Variants in RSRC1 observed in about 807,000 individuals in gnomAD.
RSRC1 encodes serine/Arginine-related protein 53.
Under a neutral mutation model 49.1 loss-of-function variants are expected in RSRC1, and 39 were observed. That is an observed-to-expected ratio of 0.79 (90% CI 0.61 to 1.04). The LOEUF is 1.04. Among genes scored for constraint, RSRC1 ranks in the 50% least tolerant of loss-of-function variants. The pLI, the probability that RSRC1 is intolerant of heterozygous loss-of-function variation, is 0.00. For synonymous variants in RSRC1, 143 were observed against 130.8 expected (o/e 1.09, Z -0.63); for missense variants, 388 against 402.4 (o/e 0.96, Z 0.31).
intron 7 of RSRC1, among the ~76,000 whole-genome samples, chr3:158,529,073 GAT>G (rs140040257): frequency 8.7e-5 from 13 of 149,982 alleles, no homozygotes; most frequent in South Asian, 2.1e-4. Context: ...TTCTAGATGT[GAT>G]ATATATATAT....
In RSRC1 at chr3:158,422,241, A is replaced by G. The variant is rs1735108836; in HGVS notation, c.584-38694A>G. On this transcript the variant is annotated intron_variant, in intron 6 of 9. Coordinates refer to ENST00000611884, the MANE Select transcript of RSRC1 (RefSeq NM_001271838.2). ...CCCTCCCCCCTCCCCCCACCCCACA[A>G]CAGTCACCAGAGTGTGATGTTCCCC... 2.8e-5 allele frequency among the ~76,000 whole-genome samples: 3 copies of G among 106,602 alleles called. No individual in the cohort carries two copies. The South Asian group carries it at 1.1e-3, about 38-fold the overall frequency. The allele number at this position is 106,602 out of a possible 152,430, so 69.9% of individuals were successfully genotyped here.
chr3:158,220,810 A>G (rs939978109), intron 4 of RSRC1, among the ~76,000 whole-genome samples: 2 of 151,550 alleles, frequency 1.3e-5, no homozygotes, highest in African/African-American at 2.4e-5. Flanking sequence ...GGCTTTAAAT[A>G]GTTAGAATAC....
chr3:158,298,059 C>G lies in RSRC1; in HGVS notation c.515C>G (p.Ala172Gly). The change falls in exon 5 of 10, where the codon GCT (alanine) becomes GGT (glycine). Residue 172 changes from alanine to glycine, a missense_variant. Ala to Gly is a moderately conservative substitution (Grantham distance 60). Transcript: ENST00000611884. ...TTTAGGGAATCTGGAAACATCAAAGCTGGATTAGAACATCTGGTAAGTTCT... is the reference window on the plus strand; with the variant it reads ...TTTAGGGAATCTGGAAACATCAAAGGTGGATTAGAACATCTGGTAAGTTCT... ...IKRGESGNIK[A>G]GLEHLPPAEQ... 2 of 1,605,410 alleles carry G rather than the reference C, an allele frequency of 1.2e-6. No homozygotes were observed. The highest frequency in any genetic ancestry group is 1.7e-6 in the Non-Finnish European group (2 of 1,172,816).
intron 6 of RSRC1, among the ~76,000 whole-genome samples, chr3:158,453,039 T>G (rs1737128437): frequency 6.6e-6 from 1 of 152,198 alleles, no homozygotes; most frequent in African/African-American, 2.4e-5. Flanking sequence ...TTATTTAATA[T>G]TTGTCTTGAA....
At chr3:158,139,021 C>G (rs907204218) in intron 3 of RSRC1, among the ~76,000 whole-genome samples, 3 of 152,120 alleles carry the variant, frequency 2.0e-5, no homozygotes, top group Non-Finnish European at 4.4e-5. Context: ...CTTAAAAGAT[C>G]ATCATATTTG....
intron 6 of RSRC1, among the ~76,000 whole-genome samples, chr3:158,384,920 A>G (rs879446903): frequency 1.3e-5 from 2 of 152,108 alleles, no homozygotes; most frequent in Non-Finnish European, 2.9e-5. Context: ...AATAAAGCTT[A>G]TTCTAAGCAT....
At chr3:158,390,181 A>AT (rs1733194385) in intron 6 of RSRC1, among the ~76,000 whole-genome samples, 1 of 152,146 alleles carries the variant, frequency 6.6e-6, no homozygotes, top group Non-Finnish European at 1.5e-5. Context: ...TATAGACCAA[A>AT]TTAAGTGCTT....
At chr3:158,515,166 T>G (rs545496657) in intron 7 of RSRC1, among the ~76,000 whole-genome samples, 23 of 151,924 alleles carry the variant, frequency 1.5e-4, no homozygotes, top group African/African-American at 5.3e-4. Flanking sequence ...CATTATGATG[T>G]TAGCTGGTTA....
At chr3:158,150,622 A>T (rs1298787441) in intron 3 of RSRC1, among the ~76,000 whole-genome samples, 1 of 152,146 alleles carries the variant, frequency 6.6e-6, no homozygotes, top group Non-Finnish European at 1.5e-5. Flanking sequence ...AATTAGGATG[A>T]TATGTAAGAG....
At chr3:158,120,447 G>A (rs893038830) in intron 1 of RSRC1, among the ~76,000 whole-genome samples, 1 of 151,274 alleles carries the variant, frequency 6.6e-6, no homozygotes, top group Non-Finnish European at 1.5e-5. Flanking sequence ...TGAAAGCAAA[G>A]CAGTAATTTA....
chr3:158,536,802 A>C (rs1187404890), intron 7 of RSRC1, among the ~76,000 whole-genome samples: 2 of 151,484 alleles, frequency 1.3e-5, no homozygotes, highest in Non-Finnish European at 3.0e-5. Context: ...TATTCCTTTT[A>C]TATGTATTTC....
At chr3:158,202,875 G>A (rs888940094) in intron 3 of RSRC1, among the ~76,000 whole-genome samples, 197 bp from the exon 4 acceptor site, 10 of 151,934 alleles carry the variant, frequency 6.6e-5, no homozygotes, top group African/African-American at 2.4e-4. Context: ...TATAAAGTTA[G>A]CATATATATT....
chr3:158,329,511 C>T (rs1729406853), intron 5 of RSRC1, among the ~76,000 whole-genome samples: 1 of 152,194 alleles, frequency 6.6e-6, no homozygotes, highest in African/African-American at 2.4e-5. Flanking sequence ...ACTCCAGCCC[C>T]TGTTTGCCTG....
In RSRC1 at chr3:158,487,549, A is replaced by G. The variant is rs189384701; in HGVS notation, c.652+26546A>G. On this transcript the variant is annotated intron_variant, in intron 7 of 9. Coordinates refer to ENST00000611884, the MANE Select transcript of RSRC1 (RefSeq NM_001271838.2). ...ACATGAAAGGTCAACTAAGTCCTCAACTGGCTATCAGGAAAACATTTAAAG... is the reference window on the plus strand; with the variant it reads ...ACATGAAAGGTCAACTAAGTCCTCAGCTGGCTATCAGGAAAACATTTAAAG... Among the ~76,000 whole-genome samples the G allele has an allele frequency of 2.0e-5, 3 of 152,270 alleles. No individual in the cohort carries two copies. The East Asian group carries it at 5.8e-4, about 29-fold the overall frequency.
intron 7 of RSRC1, among the ~76,000 whole-genome samples, chr3:158,506,132 C>G (rs929293040): frequency 5.3e-5 from 8 of 151,984 alleles, no homozygotes; most frequent in Non-Finnish European, 1.0e-4. Context: ...TTGTGCTCAG[C>G]AAAGGAAACA....
At chr3:158,502,225 T>A (rs1215369942) in intron 7 of RSRC1, among the ~76,000 whole-genome samples, 1 of 152,202 alleles carries the variant, frequency 6.6e-6, no homozygotes, top group Non-Finnish European at 1.5e-5. Context: ...TTTCTGCTGA[T>A]AAATCTGCTG....
At chr3:158,413,951 G>T (rs1734605635) in intron 6 of RSRC1, among the ~76,000 whole-genome samples, 1 of 152,102 alleles carries the variant, frequency 6.6e-6, no homozygotes, top group Non-Finnish European at 1.5e-5. Context: ...CCTAGATCCA[G>T]AAATAACATT....
At chr3:158,336,887 C>T (rs956679794) in intron 5 of RSRC1, 1 of 152,182 alleles carries the variant, frequency 6.6e-6, no homozygotes, top group Non-Finnish European at 1.5e-5. Flanking sequence ...GGACTTTCCA[C>T]GTTACATATC....
chr3:158,288,840 C>T (rs1356059482), intron 4 of RSRC1, among the ~76,000 whole-genome samples: 2 of 87,156 alleles, frequency 2.3e-5, no homozygotes, highest in Admixed American at 1.3e-4. Flanking sequence ...TCCCCGCCCC[C>T]CCCCCCCCCA....
Sources: allele counts gnomAD v4.1 joint callset (sites outside exome capture counted in the v4.1 genomes callset), GRCh38; gene constraint gnomAD v4.1.1; transcripts MANE v1.5; gene names NCBI Gene and HGNC (gene_info 2026-07-23, HGNC 2026-07-21).